ZNF385D: variants seen among roughly 807,000 people sequenced by gnomAD.
ZNF385D encodes zinc finger protein 659.
Under a neutral mutation model 35.8 loss-of-function variants are expected in ZNF385D, and 15 were observed. That is an observed-to-expected ratio of 0.42 (90% CI 0.28 to 0.64). ZNF385D has a LOEUF of 0.64. ZNF385D is among the 30% of genes least tolerant of loss of function. The pLI is 0.23. For missense variants in ZNF385D, 474 were observed against 494.6 expected (o/e 0.96, Z 0.39); for synonymous variants, 212 against 186.8 (o/e 1.13, Z -1.10).
intron 4 of ZNF385D, chr3:21,459,188 A>G (rs1386014246): frequency 6.6e-6 from 1 of 152,158 alleles, no homozygotes; most frequent in Non-Finnish European, 1.5e-5. Context: ...TATCCTGTTG[A>G]GAGTGTGAGC....
At chr3:22,142,420 TA>T (rs1704565155) in intron 3 of ZNF385D, among the ~76,000 whole-genome samples, 2 of 152,320 alleles carry the variant, frequency 1.3e-5, no homozygotes, top group Non-Finnish European at 2.9e-5. Flanking sequence ...TGACGTATAA[TA>T]AAAGTCCAAT....
chr3:21,621,496 C>T (rs2065004250), intron 2 of ZNF385D, among the ~76,000 whole-genome samples: 1 of 150,076 alleles, frequency 6.7e-6, no homozygotes, highest in Non-Finnish European at 1.5e-5. Flanking sequence ...AGGTTGTTGA[C>T]AAGGCATTGA....
intron 3 of ZNF385D, among the ~76,000 whole-genome samples, chr3:21,783,026 C>T (rs1285311257): frequency 6.6e-6 from 1 of 152,074 alleles, no homozygotes; most frequent in Non-Finnish European, 1.5e-5. Flanking sequence ...AGCCCTGACC[C>T]TTACCCTGCT....
At chr3:22,314,979 A>C (rs1394334238) in intron 2 of ZNF385D, among the ~76,000 whole-genome samples, 1 of 152,172 alleles carries the variant, frequency 6.6e-6, no homozygotes, top group African/African-American at 2.4e-5. Context: ...TGGGCCCATC[A>C]CATGTAGGTC....
intron 3 of ZNF385D, among the ~76,000 whole-genome samples, chr3:22,112,280 C>G (rs1033804338): frequency 1.9e-4 from 29 of 152,076 alleles, no homozygotes; most frequent in Non-Finnish European, 1.0e-4. Flanking sequence ...TTCTGAATCT[C>G]ATAGTCTGAA....
chr3:22,169,609 T>C (rs893891207), intron 2 of ZNF385D, among the ~76,000 whole-genome samples: 2 of 152,200 alleles, frequency 1.3e-5, no homozygotes, highest in African/African-American at 2.4e-5. Flanking sequence ...AATTTTATAT[T>C]TTATACCTGA....
intron 2 of ZNF385D, among the ~76,000 whole-genome samples, chr3:22,187,059 G>A (rs116330084): frequency 3.9e-5 from 6 of 152,182 alleles, no homozygotes; most frequent in Non-Finnish European, 7.4e-5. Context: ...GACTCAGGGC[G>A]TAATGACATA....
intron 3 of ZNF385D, among the ~76,000 whole-genome samples, chr3:22,069,092 T>C (rs1700109225): frequency 6.6e-6 from 1 of 152,202 alleles, no homozygotes; most frequent in African/African-American, 2.4e-5. Context: ...TATAAAGATC[T>C]GGGCTAGCTA....
chr3:22,237,683 A>T (rs1030764069), intron 2 of ZNF385D, among the ~76,000 whole-genome samples: 3 of 152,056 alleles, frequency 2.0e-5, no homozygotes, highest in Non-Finnish European at 4.4e-5. Flanking sequence ...TCGCTCTGTC[A>T]CCCAGGCTGC....
intron 3 of ZNF385D, among the ~76,000 whole-genome samples, chr3:22,160,151 G>C (rs1358902106): frequency 1.3e-5 from 2 of 152,080 alleles, no homozygotes; most frequent in African/African-American, 4.8e-5. Flanking sequence ...CAGCCATGTG[G>C]AACTGTGAGT....
chr3:21,425,516 G>A lies in ZNF385D; in HGVS notation c.828C>T (p.Val276=), dbSNP rs1165242943. 3.1e-6 allele frequency: 5 copies of A among 1,606,444 alleles called. No individual in the cohort carries two copies. The Admixed American group carries it at 8.5e-5, about 27-fold the overall frequency. The part of the protein sequence containing the change: ...TFHCEICDVH[V]NSETQLKQHI... ...CCTGTTTAAGTTGCGTTTCCGAGTT[G>A]ACGTGCACATCACAGATTTCACAGT... Residue 276 remains valine (V), a synonymous_variant, in exon 6 of 8, where the codon GTC becomes GTT. Transcript: ENST00000281523.
chr3:21,640,743 T>C (rs1411674933), intron 2 of ZNF385D, among the ~76,000 whole-genome samples: 2 of 152,142 alleles, frequency 1.3e-5, no homozygotes, highest in African/African-American at 2.4e-5. Flanking sequence ...TATTTTGTTA[T>C]AGAAGCCAGA....
chr3:22,118,115 A>G (rs746926315), intron 3 of ZNF385D, among the ~76,000 whole-genome samples: 127 of 152,114 alleles, frequency 8.3e-4, no homozygotes, highest in Non-Finnish European at 1.4e-3. Flanking sequence ...AGACACAGGT[A>G]CTTTAAATAA....
In ZNF385D at chr3:21,669,573, T is replaced by C. The variant is rs138839613; in HGVS notation, c.23-4545A>G. On this transcript the variant is annotated intron_variant, in intron 1 of 7. Transcript: ENST00000281523. ...TGCATTTTTGAAAAGCAAATTAATA[T>C]GTAAATTTAGACATGTTTGTTTTGA... is the stretch of plus-strand genomic sequence containing the variant. 8.2e-3 allele frequency among the ~76,000 whole-genome samples: 1,253 copies of C among 152,320 alleles called. 10 individuals carry two copies. Among genetic ancestry groups the C allele is most frequent in the Non-Finnish European group, 0.012 (790 of 68,022 alleles).
At chr3:21,819,838 TACAC>T (rs1420129204) in intron 3 of ZNF385D, among the ~76,000 whole-genome samples, 4 of 147,662 alleles carry the variant, frequency 2.7e-5, no homozygotes, top group Non-Finnish European at 6.0e-5. Flanking sequence ...ACAAATATAA[TACAC>T]ATATATACAT....
chr3:22,131,646 C>G (rs765610781), intron 3 of ZNF385D, among the ~76,000 whole-genome samples: 1 of 152,096 alleles, frequency 6.6e-6, no homozygotes, highest in African/African-American at 2.4e-5. Flanking sequence ...GCAAAGAGAA[C>G]AGATGTTTAT....
intron 3 of ZNF385D, among the ~76,000 whole-genome samples, chr3:22,079,892 ATG>A (rs548835175): frequency 7.7e-4 from 117 of 151,708 alleles, no homozygotes; most frequent in Non-Finnish European, 1.3e-3. Context: ...AGATTCAAAT[ATG>A]TGTGTGTGTG....
chr3:22,275,892 C>T (rs1701402423), intron 2 of ZNF385D, among the ~76,000 whole-genome samples: 1 of 152,100 alleles, frequency 6.6e-6, no homozygotes, highest in Non-Finnish European at 1.5e-5. Context: ...CGAGACCAGC[C>T]TGAACAACAT....
chr3:21,949,754 C>A (rs533702788), intron 3 of ZNF385D, among the ~76,000 whole-genome samples: 2 of 151,840 alleles, frequency 1.3e-5, no homozygotes, highest in African/African-American at 4.8e-5. Flanking sequence ...CCCCTCCACG[C>A]GTCCATGTGT....
Sources: allele counts gnomAD v4.1 joint callset (sites outside exome capture counted in the v4.1 genomes callset), GRCh38; gene constraint gnomAD v4.1.1; transcripts MANE v1.5; gene names NCBI Gene and HGNC (gene_info 2026-07-23, HGNC 2026-07-21).